The following MTR variants were observed in gnomAD, a reference collection of about 807,000 sequenced individuals.
The protein encoded by MTR is methionine synthase.
MTR carries 84 observed loss-of-function variants against 154.8 expected under a neutral mutation model. The observed-to-expected ratio is 0.54, with a 90% CI of 0.45 to 0.65. The LOEUF (loss-of-function observed/expected upper bound fraction) is 0.65. Among genes scored for constraint, MTR ranks in the 30% least tolerant of loss-of-function variants. The pLI is 0.00. For missense variants in MTR, 1,275 were observed against 1,570.2 expected (o/e 0.81, Z 3.18); for synonymous variants, 554 against 553.9 (o/e 1.00, Z 0.00).
At chr1:236,841,929 C>T (rs1212396306) in intron 15 of MTR, among the ~76,000 whole-genome samples, 1 of 147,562 alleles carries the variant, frequency 6.8e-6, no homozygotes, top group East Asian at 2.0e-4. Flanking sequence ...GTCTCGCTGT[C>T]GCCCAGGCTG....
At chr1:236,807,867 G>A (rs1396784419) in intron 3 of MTR, among the ~76,000 whole-genome samples, 1 of 152,162 alleles carries the variant, frequency 6.6e-6, no homozygotes, top group Non-Finnish European at 1.5e-5. Flanking sequence ...CCATCATGTA[G>A]TGTGGAAGCA....
intron 15 of MTR, among the ~76,000 whole-genome samples, chr1:236,847,293 C>CCTCTGAAGTTAGCCCTGTTCGAT (rs1663636712): frequency 6.6e-6 from 1 of 152,224 alleles, no homozygotes; most frequent in Non-Finnish European, 1.5e-5. Flanking sequence ...CTTTAACTCA[C>CCTCTGAAGTTAGCCCTGTTCGAT]CTCTGAAGTT....
At chr1:236,885,296 T>A in intron 26 of MTR, 77 bp downstream of exon 26, 2 of 960,756 alleles carry the variant, frequency 2.1e-6, no homozygotes, top group East Asian at 2.5e-5. Context: ...TGTGACTTTT[T>A]AAAATGGTTT....
chr1:236,858,951 C>G (rs972671396), intron 18 of MTR, among the ~76,000 whole-genome samples: 2 of 152,212 alleles, frequency 1.3e-5, no homozygotes, highest in African/African-American at 4.8e-5. Flanking sequence ...ATTCCTTCCT[C>G]AAAATTCCTA....
intron 15 of MTR, among the ~76,000 whole-genome samples, chr1:236,841,738 G>A (rs949711191): frequency 1.3e-5 from 2 of 150,828 alleles, no homozygotes; most frequent in East Asian, 1.9e-4. Context: ...GAAACCTTAC[G>A]TGTCAGAAAA....
chr1:236,890,497 C>T (rs1666256171), intron 28 of MTR, among the ~76,000 whole-genome samples: 3 of 152,118 alleles, frequency 2.0e-5, no homozygotes, highest in Admixed American at 1.3e-4. Context: ...CTCTGGGGGA[C>T]GGGGCCTGTG....
intron 29 of MTR, 118 bp from the exon 30 acceptor site, chr1:236,894,239 A>G (rs1195290380): frequency 2.1e-5 from 19 of 925,086 alleles, no homozygotes; most frequent in African/African-American, 3.3e-5. Context: ...ACAGGCTGCC[A>G]TCTGTGCGTT....
At chr1:236,897,390 G>C (rs1666722295) in intron 32 of MTR, among the ~76,000 whole-genome samples, 168 bp from the exon 33 acceptor site, 1 of 151,186 alleles carries the variant, frequency 6.6e-6, no homozygotes, top group Non-Finnish European at 1.5e-5. Flanking sequence ...TTTCTGCCCA[G>C]AGAAAAAGGC....
chr1:236,804,583 A>G (rs1660872575), intron 2 of MTR, among the ~76,000 whole-genome samples: 1 of 152,210 alleles, frequency 6.6e-6, no homozygotes, highest in Non-Finnish European at 1.5e-5. Context: ...TTCCATGTAT[A>G]TATCATCATT....
At position 236,901,639 on chromosome 1, in the gene MTR, G is replaced by A. The variant is rs1572359945; in HGVS notation, c.*3995G>A. ...AGGAGTCTGGAAGTCCAAGATCATG[G>A]TGCCATCATGGCCGAGTTCTGGTGA... On this transcript the variant is annotated 3_prime_UTR_variant, in exon 33 of 33. Coordinates refer to ENST00000366577, the MANE Select transcript of MTR (RefSeq NM_000254.3). 3 of 152,342 alleles carry A rather than the reference G, an allele frequency of 2.0e-5. No homozygotes were observed. The highest frequency in any genetic ancestry group is 2.1e-4 in the South Asian group (1 of 4,820). The allele number at this position is 152,342 out of a possible 1,614,324, so 9.4% of individuals were successfully genotyped here. A position where few individuals can be genotyped will look rare whatever the true frequency, so the allele number is the denominator to read the frequency against.
At chr1:236,846,518 A>G (rs1450848129) in intron 15 of MTR, among the ~76,000 whole-genome samples, 3 of 152,204 alleles carry the variant, frequency 2.0e-5, no homozygotes, top group Admixed American at 2.0e-4. Flanking sequence ...ATTTCTAATT[A>G]TGGAGAACCA....
Position 236,816,429 on chromosome 1 carries a change from T to C in MTR, c.670-20T>C, listed in dbSNP as rs187410696. 1 of 1,604,514 alleles carries C rather than the reference T, an allele frequency of 6.2e-7. No individual in the cohort carries two copies. Among genetic ancestry groups the C allele is most frequent in the African/African-American group, 1.3e-5 (1 of 74,700 alleles). On this transcript the variant is annotated intron_variant, in intron 7 of 32. Transcript: ENST00000366577. ...TAACTTGAGTCTGTATTGTTGACTT[T>C]GTTTACTTTGTCAATTCAGATTTCA...
At chr1:236,847,287 A>G (rs1015347553) in intron 15 of MTR, among the ~76,000 whole-genome samples, 3 of 152,132 alleles carry the variant, frequency 2.0e-5, no homozygotes, top group African/African-American at 7.2e-5. Flanking sequence ...TTAAAACTTT[A>G]ACTCACCTCT....
chr1:236,832,225 T>C (rs1187254078), intron 13 of MTR, 147 bp downstream of exon 13: 3 of 743,064 alleles, frequency 4.0e-6, no homozygotes, highest in African/African-American at 1.7e-5. Flanking sequence ...TGCAGCAGAC[T>C]GGGCTGGTGG....
chr1:236,825,262 TTAACA>T, intron 9 of MTR, 71 bp from the exon 10 acceptor site: 1 of 1,046,408 alleles, frequency 9.6e-7, no homozygotes, highest in Non-Finnish European at 1.5e-6. Flanking sequence ...TATATAGTTA[TTAACA>T]TAAAGTCTTT....
chr1:236,853,091 A>G lies in MTR; in HGVS notation c.1953+3A>G, dbSNP rs781246271. On this transcript the variant is annotated splice_donor_region_variant and intron_variant, in intron 18 of 32. Coordinates refer to ENST00000366577, the MANE Select transcript of MTR (RefSeq NM_000254.3). ...AGAAGCTCTTACGTTATGCCCAGGT[A>G]GAGAGACAAGTGTTCTAATAGATGG... is the stretch of plus-strand genomic sequence containing the variant. The G allele has an allele frequency of 1.2e-6, 2 of 1,613,930 alleles. No individual in the cohort carries two copies. Among genetic ancestry groups the G allele is most frequent in the African/African-American group, 1.3e-5 (1 of 75,044 alleles).
chr1:236,861,082 T>TC, intron 19 of MTR, 43 bp from the exon 20 acceptor site: 3 of 1,496,850 alleles, frequency 2.0e-6, no homozygotes, highest in Non-Finnish European at 2.7e-6. Flanking sequence ...ATTTTTTTTT[T>TC]CTTTCTTTCT....
At chr1:236,826,723 T>G in intron 10 of MTR, 106 bp from the exon 11 acceptor site, 1 of 844,842 alleles carries the variant, frequency 1.2e-6, no homozygotes, top group Non-Finnish European at 2.1e-6. Flanking sequence ...CTTTTTAGTA[T>G]AGTCTTAGTT....
At chr1:236,850,570 C>T in intron 16 of MTR, 47 bp downstream of exon 16, 2 of 1,544,288 alleles carry the variant, frequency 1.3e-6, no homozygotes, top group South Asian at 2.2e-5. Context: ...AAATTTGTCC[C>T]ATGGGTCTAA....
Sources: allele counts gnomAD v4.1 joint callset (sites outside exome capture counted in the v4.1 genomes callset), GRCh38; gene constraint gnomAD v4.1.1; transcripts MANE v1.5; gene names NCBI Gene and HGNC (gene_info 2026-07-23, HGNC 2026-07-21).